UMAD1: variants seen among roughly 807,000 people sequenced by gnomAD.
UMAD1 encodes UBAP1-MVB12-associated (UMA)-domain containing protein 1.
UMAD1 carries 8 observed loss-of-function variants against 6.1 expected under a neutral mutation model. The ratio of observed to expected loss-of-function variants is 1.30; its 90% confidence interval spans 0.76 to 2.35. The LOEUF (loss-of-function observed/expected upper bound fraction) is 2.35. UMAD1 is among the 30% of genes most tolerant of loss of function. UMAD1 has a pLI of 0.00. For synonymous variants in UMAD1, 56 were observed against 31.4 expected (o/e 1.78, Z -2.61); for missense variants, 130 against 78.4 (o/e 1.66, Z -2.49).
chr7:7,646,539 T>C (rs920111191), intron 1 of UMAD1, among the ~76,000 whole-genome samples: 2 of 149,554 alleles, frequency 1.3e-5, no homozygotes, highest in African/African-American at 4.9e-5. Flanking sequence ...AAGACGTACC[T>C]TTTGCTTTCC....
At chr7:7,768,226 A>G (rs191033950) in intron 2 of UMAD1, among the ~76,000 whole-genome samples, 4 of 152,260 alleles carry the variant, frequency 2.6e-5, no homozygotes, top group Admixed American at 2.6e-4. Flanking sequence ...TAAAAATTTT[A>G]TTTTTCTGTA....
intron 2 of UMAD1, among the ~76,000 whole-genome samples, chr7:7,794,688 C>A (rs1328037939): frequency 6.6e-6 from 1 of 152,108 alleles, no homozygotes; most frequent in Non-Finnish European, 1.5e-5. Flanking sequence ...AGATAGCAGA[C>A]CCTGAAGGAA....
intron 3 of UMAD1, among the ~76,000 whole-genome samples, chr7:7,828,606 GC>G (rs1360418967): frequency 6.6e-6 from 1 of 152,192 alleles, no homozygotes; most frequent in Non-Finnish European, 1.5e-5. Context: ...TTGTGCAGGG[GC>G]TAAGGGGCTG....
At chr7:7,700,319 C>T (rs929715756) in intron 2 of UMAD1, among the ~76,000 whole-genome samples, 3 of 152,128 alleles carry the variant, frequency 2.0e-5, no homozygotes, top group African/African-American at 7.2e-5. Context: ...CAAAGTACCT[C>T]CCAAAGGTCT....
intron 1 of UMAD1, among the ~76,000 whole-genome samples, chr7:7,647,007 G>C (rs917324947): frequency 6.6e-6 from 1 of 152,156 alleles, no homozygotes; most frequent in South Asian, 2.1e-4. Context: ...CCGCTTGTCC[G>C]TATCAGTTAC....
At chr7:7,766,597 G>A (rs891651060) in intron 2 of UMAD1, among the ~76,000 whole-genome samples, 2 of 152,038 alleles carry the variant, frequency 1.3e-5, no homozygotes, top group African/African-American at 4.8e-5. Context: ...CCCTCTTTAG[G>A]CAATCTACAG....
intron 1 of UMAD1, among the ~76,000 whole-genome samples, chr7:7,649,457 C>T (rs751119490): frequency 7.2e-5 from 11 of 152,224 alleles, no homozygotes; most frequent in Non-Finnish European, 1.6e-4. Context: ...TCCCAGCTCT[C>T]AACACTGTTG....
At chr7:7,845,657 T>C (rs371545753) in intron 3 of UMAD1, among the ~76,000 whole-genome samples, 2 of 152,276 alleles carry the variant, frequency 1.3e-5, no homozygotes, top group East Asian at 3.9e-4. Flanking sequence ...TTTCATAAAT[T>C]TGAAATATCA....
chr7:7,855,125 C>T (rs1783991468), intron 3 of UMAD1, among the ~76,000 whole-genome samples: 1 of 152,268 alleles, frequency 6.6e-6, no homozygotes, highest in Non-Finnish European at 1.5e-5. Flanking sequence ...CAGCCCCTCC[C>T]AGCTGCTTTC....
chr7:7,643,492 C>G (rs1785021916), intron 1 of UMAD1, among the ~76,000 whole-genome samples: 2 of 152,188 alleles, frequency 1.3e-5, no homozygotes, highest in South Asian at 4.1e-4. Context: ...GGGTGGATCA[C>G]CTCAGATCAG....
chr7:7,764,767 A>G (rs982057614), intron 2 of UMAD1, among the ~76,000 whole-genome samples: 1 of 152,152 alleles, frequency 6.6e-6, no homozygotes, highest in African/African-American at 2.4e-5. Flanking sequence ...CTCAAGAACC[A>G]TTCTTATGTC....
chr7:7,709,518 A>G (rs1367515855), intron 2 of UMAD1, among the ~76,000 whole-genome samples: 1 of 152,180 alleles, frequency 6.6e-6, no homozygotes, highest in African/African-American at 2.4e-5. Context: ...TGACTGGGGG[A>G]CTTGAAGTTG....
intron 2 of UMAD1, among the ~76,000 whole-genome samples, chr7:7,687,746 C>T (rs1583737242): frequency 6.6e-6 from 1 of 152,282 alleles, no homozygotes; most frequent in East Asian, 1.9e-4. Flanking sequence ...TATACATACA[C>T]ACACATATTT....
chr7:7,678,003 G>A (rs944422262), intron 2 of UMAD1, among the ~76,000 whole-genome samples: 21 of 152,270 alleles, frequency 1.4e-4, no homozygotes, highest in Non-Finnish European at 1.8e-4. Context: ...GAGACACTTA[G>A]GTTGATTCTA....
intron 3 of UMAD1, among the ~76,000 whole-genome samples, chr7:7,829,608 G>A (rs537694628): frequency 4.3e-4 from 66 of 152,230 alleles, no homozygotes; most frequent in Admixed American, 1.8e-3. Flanking sequence ...GGCTGAAATA[G>A]CACTTTATAT....
chr7:7,724,477 A>C (rs1272843107), intron 2 of UMAD1, among the ~76,000 whole-genome samples: 1 of 152,184 alleles, frequency 6.6e-6, no homozygotes, highest in Non-Finnish European at 1.5e-5. Context: ...GGGAAATGGA[A>C]GCTATTAGAG....
At chr7:7,745,711 G>A (rs1781559241) in intron 2 of UMAD1, among the ~76,000 whole-genome samples, 2 of 152,128 alleles carry the variant, frequency 1.3e-5, no homozygotes, top group Non-Finnish European at 1.5e-5. Context: ...AAGGAGACTT[G>A]AATATCACTG....
At chr7:7,660,861 G>A (rs1419299737) in intron 1 of UMAD1, among the ~76,000 whole-genome samples, 1 of 152,172 alleles carries the variant, frequency 6.6e-6, no homozygotes, top group Non-Finnish European at 1.5e-5. Flanking sequence ...TTGCTAGGTT[G>A]GAGAAGTTCT....
At chr7:7,860,831 C>T (rs1266126158) in intron 3 of UMAD1, among the ~76,000 whole-genome samples, 4 of 150,264 alleles carry the variant, frequency 2.7e-5, no homozygotes, top group African/African-American at 9.7e-5. Context: ...CTACATTAGA[C>T]AAAAGATGGA....
Sources: allele counts gnomAD v4.1 joint callset (sites outside exome capture counted in the v4.1 genomes callset), GRCh38; gene constraint gnomAD v4.1.1; transcripts MANE v1.5; gene names NCBI Gene and HGNC (gene_info 2026-07-23, HGNC 2026-07-21).